The following LIN7A variants were observed in gnomAD, a reference collection of about 807,000 sequenced individuals.
LIN7A encodes the protein lin-7 cell polarity scaffold A.
A neutral mutation model predicts 29.8 loss-of-function variants in LIN7A; 25 were observed. The observed-to-expected ratio is 0.84, with a 90% CI of 0.61 to 1.17. The LOEUF is 1.17. Among genes scored for constraint, LIN7A ranks in the 50% most tolerant of loss-of-function variants. The pLI is 0.00. For missense variants in LIN7A, 239 were observed against 287.0 expected (o/e 0.83, Z 1.21); for synonymous variants, 118 against 107.5 (o/e 1.10, Z -0.60).
At chr12:80,813,666 T>C (rs1247999183) in intron 4 of LIN7A, among the ~76,000 whole-genome samples, 3 of 152,168 alleles carry the variant, frequency 2.0e-5, no homozygotes, top group Admixed American at 2.0e-4. Flanking sequence ...CAATGCTGCT[T>C]TTTTCCCAAT....
chr12:80,843,604 C>T (rs1431662187), intron 4 of LIN7A, among the ~76,000 whole-genome samples: 4 of 151,930 alleles, frequency 2.6e-5, no homozygotes, highest in African/African-American at 9.7e-5. Context: ...TCAACCTTCA[C>T]CAGTAGCCAC....
chr12:80,874,808 C>A (rs940852177), intron 2 of LIN7A, among the ~76,000 whole-genome samples: 15 of 152,068 alleles, frequency 9.9e-5, no homozygotes, highest in African/African-American at 3.4e-4. Flanking sequence ...ACGGTGAAGC[C>A]CCGTCTCTAC....
chr12:80,820,658 C>CCCAT (rs1565889501), intron 4 of LIN7A, among the ~76,000 whole-genome samples: 2 of 151,826 alleles, frequency 1.3e-5, no homozygotes, highest in Admixed American at 6.6e-5. Context: ...CACACACACA[C>CCCAT]CCATCTTCAG....
chr12:80,882,495 G>A (rs1184446255), intron 2 of LIN7A, among the ~76,000 whole-genome samples: 7 of 149,934 alleles, frequency 4.7e-5, no homozygotes, highest in East Asian at 2.0e-4. Flanking sequence ...CGTTTTAGCC[G>A]GGATGGTCTC....
At chr12:80,926,927 CAAAAAAAAAAA>C (rs35483715) in intron 1 of LIN7A, among the ~76,000 whole-genome samples, 1 of 55,902 alleles carries the variant, frequency 1.8e-5, no homozygotes, top group African/African-American at 5.8e-5. Flanking sequence ...GACTCCATCT[CAAAAAAAAAAA>C]AAAAAAAAAA....
At chr12:80,811,788 T>G in intron 4 of LIN7A, 105 bp from the exon 5 acceptor site, 1 of 1,307,744 alleles carries the variant, frequency 7.6e-7, no homozygotes, top group Non-Finnish European at 1.0e-6. Flanking sequence ...TTTAAAATTT[T>G]AAGAAAACAT....
At chr12:80,799,677 C>T (rs1238119637) in intron 5 of LIN7A, among the ~76,000 whole-genome samples, 1 of 152,030 alleles carries the variant, frequency 6.6e-6, no homozygotes, top group East Asian at 1.9e-4. Flanking sequence ...TATGCTTCTT[C>T]CTTAGGAAAC....
intron 4 of LIN7A, among the ~76,000 whole-genome samples, chr12:80,840,023 T>C (rs1181497161): frequency 6.6e-6 from 1 of 152,232 alleles, no homozygotes; most frequent in Non-Finnish European, 1.5e-5. Flanking sequence ...CTTTTCAGTA[T>C]GCCATATTTT....
chr12:80,914,716 C>T (rs1876942205), intron 1 of LIN7A, among the ~76,000 whole-genome samples: 1 of 152,092 alleles, frequency 6.6e-6, no homozygotes, highest in Admixed American at 6.6e-5. Flanking sequence ...ACTTTTCACA[C>T]AGAACTGTGA....
intron 3 of LIN7A, 39 bp downstream of exon 3, chr12:80,848,212 C>T: frequency 6.9e-7 from 1 of 1,448,802 alleles, no homozygotes; most frequent in Admixed American, 1.7e-5. Context: ...TACTAGATAA[C>T]TGGGGTCAAG....
intron 4 of LIN7A, among the ~76,000 whole-genome samples, chr12:80,812,766 G>T (rs867573678): frequency 3.3e-5 from 5 of 152,026 alleles, no homozygotes; most frequent in South Asian, 2.1e-4. Context: ...GGCCAGGCTG[G>T]TCTTGAACTC....
intron 4 of LIN7A, among the ~76,000 whole-genome samples, chr12:80,843,662 T>G (rs1049330604): frequency 6.6e-6 from 1 of 151,850 alleles, no homozygotes; most frequent in Non-Finnish European, 1.5e-5. Flanking sequence ...AGGATAGCTC[T>G]CAACAAACAT....
intron 1 of LIN7A, among the ~76,000 whole-genome samples, chr12:80,895,089 A>G (rs1234156957): frequency 2.0e-5 from 3 of 152,180 alleles, no homozygotes; most frequent in Non-Finnish European, 4.4e-5. Context: ...AACATGGACC[A>G]TTGTGAGCTT....
chr12:80,930,291 A>G lies in LIN7A; in HGVS notation c.82+7350T>C, dbSNP rs566055121. ...TTTTTTTCAAGTGGTTTTCAGGCAT[A>G]TTTATTTTTATTGGACAAGTGTTTG... On this transcript the variant is annotated intron_variant, in intron 1 of 5. Transcript: ENST00000552864. Among the ~76,000 whole-genome samples the G allele has an allele frequency of 7.2e-5, 11 of 152,220 alleles. No individual in the cohort carries two copies. In the South Asian group the frequency reaches 1.2e-3, roughly 17 times the overall value.
At chr12:80,906,179 G>A (rs1441675254) in intron 1 of LIN7A, among the ~76,000 whole-genome samples, 1 of 152,166 alleles carries the variant, frequency 6.6e-6, no homozygotes, top group Non-Finnish European at 1.5e-5. Flanking sequence ...AAAGAATGGA[G>A]TGTTCTGCAA....
At chr12:80,879,590 G>T (rs1270958257) in intron 2 of LIN7A, among the ~76,000 whole-genome samples, 3 of 128,324 alleles carry the variant, frequency 2.3e-5, no homozygotes, top group African/African-American at 8.4e-5. Context: ...TAAAATTTAG[G>T]CTACTCTGGA....
chr12:80,803,209 A>T (rs1037461350), intron 5 of LIN7A, among the ~76,000 whole-genome samples: 1 of 152,120 alleles, frequency 6.6e-6, no homozygotes, highest in Non-Finnish European at 1.5e-5. Flanking sequence ...TCTTTGCCCA[A>T]ACCAATGTTG....
chr12:80,814,800 T>G (rs1871455671), intron 4 of LIN7A, among the ~76,000 whole-genome samples: 1 of 152,166 alleles, frequency 6.6e-6, no homozygotes, highest in Admixed American at 6.5e-5. Context: ...CCTTCATGCT[T>G]TATCTTCAGT....
At chr12:80,829,956 G>A (rs1182658526) in intron 4 of LIN7A, among the ~76,000 whole-genome samples, 2 of 152,024 alleles carry the variant, frequency 1.3e-5, no homozygotes, top group African/African-American at 4.8e-5. Flanking sequence ...ATGCACTCTC[G>A]TGCTTAAAAT....
Sources: gnomAD v4.1 joint callset for allele counts (sites outside exome capture counted in the v4.1 genomes callset) on GRCh38, gnomAD v4.1.1 for gene constraint, MANE v1.5 for transcripts, NCBI Gene and HGNC (gene_info 2026-07-23, HGNC 2026-07-21) for gene names.